The following SLIT3 variants were observed in gnomAD, a reference collection of about 807,000 sequenced individuals.
The protein encoded by SLIT3 is slit homolog 3 protein.
In SLIT3, 68 loss-of-function variants were observed where a neutral mutation model predicts 184.0. The observed-to-expected ratio is 0.37, with a 90% CI of 0.30 to 0.45. The LOEUF is 0.45. Among genes scored for constraint, SLIT3 ranks in the 20% least tolerant of loss-of-function variants. The pLI is 1.00. For synonymous variants in SLIT3, 831 were observed against 828.6 expected (o/e 1.00, Z -0.05); for missense variants, 1,707 against 2,026.0 (o/e 0.84, Z 3.02).
At chr5:168,956,478 G>A (rs111313932) in intron 4 of SLIT3, among the ~76,000 whole-genome samples, 143 of 152,278 alleles carry the variant, frequency 9.4e-4, no homozygotes, top group African/African-American at 2.9e-3. Flanking sequence ...ACAATGAGAA[G>A]GCTCAACCAG....
rs756186338 is a variant in SLIT3 at position 168,712,401 on chromosome 5, A to G, written c.2484-47T>C. ...GGAAGGTTAGCATCCACTAATTTGA[A>G]TTTAGCATATTCTCAGGGCCTCCAG... On this transcript the variant is annotated intron_variant, in intron 23 of 35. Coordinates refer to ENST00000519560, the MANE Select transcript of SLIT3 (RefSeq NM_003062.4). The G allele has an allele frequency of 5.1e-6, 8 of 1,557,446 alleles. No individual in the cohort carries two copies. The African/African-American group carries it at 9.5e-5, about 18-fold the overall frequency.
At chr5:169,218,143 G>A (rs1764508628) in intron 3 of SLIT3, among the ~76,000 whole-genome samples, 1 of 152,142 alleles carries the variant, frequency 6.6e-6, no homozygotes, top group Non-Finnish European at 1.5e-5. Flanking sequence ...TTTCTACCAA[G>A]GACTGTTTGT....
At chr5:168,990,252 C>T (rs1263419969) in intron 4 of SLIT3, among the ~76,000 whole-genome samples, 1 of 152,234 alleles carries the variant, frequency 6.6e-6, no homozygotes, top group Non-Finnish European at 1.5e-5. Flanking sequence ...CTCCTCTCTT[C>T]CCTGCATCCC....
chr5:169,237,131 C>G (rs974794111), intron 3 of SLIT3, among the ~76,000 whole-genome samples: 1 of 152,222 alleles, frequency 6.6e-6, no homozygotes, highest in African/African-American at 2.4e-5. Context: ...AGACTCCACT[C>G]ATTTCCACAG....
In SLIT3 at chr5:168,918,116, A is replaced by G. The variant is rs926483912; in HGVS notation, c.414-34780T>C. Among the ~76,000 whole-genome samples the G allele has an allele frequency of 5.3e-5, 8 of 152,068 alleles. No individual in the cohort carries two copies. In the East Asian group the frequency reaches 9.6e-4, roughly 18 times the overall value. On this transcript the variant is annotated intron_variant, in intron 4 of 35. Transcript: ENST00000519560. ...TTTTTTCCCAACATCCTGGTGCTTC[A>G]GAGATGTTATATTAGACAGATGTCA...
At chr5:168,824,857 T>C (rs540842543) in intron 6 of SLIT3, among the ~76,000 whole-genome samples, 3 of 152,338 alleles carry the variant, frequency 2.0e-5, no homozygotes, top group African/African-American at 7.2e-5. Flanking sequence ...GAAGCCTTCA[T>C]GGGTTAAGCC....
At chr5:169,131,257 AT>A (rs375299796) in intron 4 of SLIT3, among the ~76,000 whole-genome samples, 11 of 152,348 alleles carry the variant, frequency 7.2e-5, no homozygotes, top group Non-Finnish European at 1.6e-4. Flanking sequence ...TGTAAATTAC[AT>A]GCTTGGAATA....
At chr5:168,808,785 C>A (rs1349703728) in intron 8 of SLIT3, among the ~76,000 whole-genome samples, 1 of 152,210 alleles carries the variant, frequency 6.6e-6, no homozygotes, top group Non-Finnish European at 1.5e-5. Flanking sequence ...GAAAGGCTCC[C>A]ATCCCATCAC....
At chr5:168,739,783 T>G (rs1030663698) in intron 20 of SLIT3, among the ~76,000 whole-genome samples, 5 of 152,152 alleles carry the variant, frequency 3.3e-5, no homozygotes, top group African/African-American at 1.2e-4. Flanking sequence ...GAAGCCAAAT[T>G]TCTTATCCTT....
At chr5:168,802,813 C>T (rs12659534) in intron 9 of SLIT3, among the ~76,000 whole-genome samples, 37,579 of 152,040 alleles carry the variant, frequency 0.25, 4,848 homozygotes, top group South Asian at 0.32. Flanking sequence ...GTATATCCTA[C>T]GGACCAGACA....
chr5:168,844,604 C>T lies in SLIT3; in HGVS notation c.537G>A (p.Ala179=), dbSNP rs377538916. 7.2e-5 allele frequency: 117 copies of T among 1,614,062 alleles called. No individual in the cohort carries two copies. The Middle Eastern group carries it at 8.2e-4, about 11-fold the overall frequency. Reference sequence around the variant, plus strand: ...CTCACAGGATCTCCAAATCGCGCAGCGCTCGGAAGGCTCCATCTTCAATGC... The same window carrying T: ...CTCACAGGATCTCCAAATCGCGCAGTGCTCGGAAGGCTCCATCTTCAATGC... ...ISCIEDGAFR[A]LRDLEILTLN... is the part of the protein sequence containing the mutation. The change falls in exon 6 of 36, where the codon GCG becomes GCA. Residue 179 remains alanine, a synonymous_variant. Transcript: ENST00000519560.
intron 8 of SLIT3, among the ~76,000 whole-genome samples, chr5:168,816,301 C>T (rs1003872238): frequency 1.4e-4 from 22 of 152,178 alleles, no homozygotes; most frequent in African/African-American, 5.1e-4. Context: ...ATTCTCCTGC[C>T]TCAGCCTCCT....
chr5:168,860,722 C>T (rs1363538124), intron 5 of SLIT3, among the ~76,000 whole-genome samples: 1 of 152,200 alleles, frequency 6.6e-6, no homozygotes, highest in African/African-American at 2.4e-5. Context: ...CAACCCAAGG[C>T]TGGGTACAGG....
In SLIT3 at chr5:168,888,436, C is replaced by G. The variant is rs13171090; in HGVS notation, c.414-5100G>C. ...AAGTTCAAAGAAGCAGGTGATAGGA[C>G]CCAGTAGCAACAGAAGGAACCCAAG... is the stretch of plus-strand genomic sequence containing the variant. On this transcript the variant is annotated intron_variant, in intron 4 of 35. Transcript: ENST00000519560. 4.6e-3 allele frequency among the ~76,000 whole-genome samples: 707 copies of G among 152,214 alleles called. 5 individuals carry two copies. The highest frequency in any genetic ancestry group is 0.017 in the African/African-American group (688 of 41,512).
chr5:168,833,214 CT>C (rs1757934583), intron 6 of SLIT3, among the ~76,000 whole-genome samples: 1 of 152,186 alleles, frequency 6.6e-6, no homozygotes, highest in East Asian at 1.9e-4. Flanking sequence ...ATATAGGCCA[CT>C]TTTTGTGGAC....
intron 1 of SLIT3, among the ~76,000 whole-genome samples, chr5:169,259,577 C>A (rs1388110586): frequency 6.6e-6 from 1 of 152,186 alleles, no homozygotes; most frequent in Non-Finnish European, 1.5e-5. Flanking sequence ...AGAATACTGC[C>A]TTCTGGGTTT....
rs756727183 is a variant in SLIT3 at position 168,685,738 on chromosome 5, G to A, written c.3504C>T (p.Tyr1168=). ...GGACCTTGGCGGAGGCCAGTTCCAC[G>A]TAGGAGTCTTTGCCCACGAAGTTGA... ...ITVNFVGKDS[Y]VELASAKVRP... Residue 1168 remains tyrosine, a synonymous_variant, in exon 31 of 36, where the codon TAC becomes TAT. Transcript: ENST00000519560. 133 of 1,597,690 alleles carry A rather than the reference G, an allele frequency of 8.3e-5. No homozygotes were observed. The highest frequency in any genetic ancestry group is 2.9e-4 in the African/African-American group (22 of 74,814).
At chr5:168,852,366 T>A (rs1278567554) in intron 5 of SLIT3, among the ~76,000 whole-genome samples, 1 of 152,202 alleles carries the variant, frequency 6.6e-6, no homozygotes, top group Admixed American at 6.5e-5. Flanking sequence ...TTTCAGAAAA[T>A]TTTCCCACTG....
At chr5:168,890,137 TA>T (rs56267999) in intron 4 of SLIT3, among the ~76,000 whole-genome samples, 6,148 of 98,550 alleles carry the variant, frequency 0.062, 170 homozygotes, top group East Asian at 0.11. Flanking sequence ...AGACTCCATC[TA>T]AAAAAAAAAA....
Sources: allele counts gnomAD v4.1 joint callset (sites outside exome capture counted in the v4.1 genomes callset), GRCh38; gene constraint gnomAD v4.1.1; transcripts MANE v1.5; gene names NCBI Gene and HGNC (gene_info 2026-07-23, HGNC 2026-07-21).